Variants in RCSD1 observed in about 807,000 individuals in gnomAD.
RCSD1 encodes the protein capZ-interacting protein.
Under a neutral mutation model 42.5 loss-of-function variants are expected in RCSD1, and 26 were observed. That is an observed-to-expected ratio of 0.61 (90% CI 0.45 to 0.85). The LOEUF (loss-of-function observed/expected upper bound fraction) is 0.85. Among genes scored for constraint, RCSD1 ranks in the 40% least tolerant of loss-of-function variants. The pLI is 0.00. For synonymous variants in RCSD1, 220 were observed against 212.2 expected, an observed-to-expected ratio of 1.04 and a Z score of -0.32; for missense variants, 571 against 528.3, an observed-to-expected ratio of 1.08 and a Z score of -0.79.
At chr1:167,662,401 C>CTCTCTCTT (rs1185018482) in intron 1 of RCSD1, among the ~76,000 whole-genome samples, 1 of 152,114 alleles carries the variant, frequency 6.6e-6, no homozygotes, top group Non-Finnish European at 1.5e-5. Flanking sequence ...ATCTTGCTGT[C>CTCTCTCTT]TCTCTCTTTC....
At position 167,630,268 on chromosome 1, in the gene RCSD1, C is replaced by A; in HGVS notation, c.-156C>A. The A allele has an allele frequency of 2.7e-6, 2 of 730,856 alleles. No individual in the cohort carries two copies. Among genetic ancestry groups the A allele is most frequent in the Non-Finnish European group, 1.9e-6 (1 of 530,590 alleles). The allele number at this position is 730,856 out of a possible 1,614,324, so 45.3% of individuals were successfully genotyped here. A position where few individuals can be genotyped will look rare whatever the true frequency, so the allele number is the denominator to read the frequency against. On this transcript the variant is annotated 5_prime_UTR_variant, in exon 1 of 7. Coordinates refer to ENST00000367854, the MANE Select transcript of RCSD1 (RefSeq NM_052862.4). ...GGCCCCCGCGGCCGGGGCAGTCCCG[C>A]AGCCGAGCGCAGCCGGGCGCGCGCC...
chr1:167,684,054 G>C, intron 2 of RCSD1, 53 bp downstream of exon 2: 1 of 1,463,538 alleles, frequency 6.8e-7, no homozygotes, highest in Non-Finnish European at 9.5e-7. Context: ...GGAGGAAAGG[G>C]AAATCTGGTC....
At chr1:167,673,325 G>A (rs560734658) in intron 1 of RCSD1, among the ~76,000 whole-genome samples, 24 of 152,328 alleles carry the variant, frequency 1.6e-4, no homozygotes, top group Non-Finnish European at 3.1e-4. Context: ...ATAACTATCT[G>A]CTTCCGCGTA....
intron 3 of RCSD1, among the ~76,000 whole-genome samples, chr1:167,686,563 A>G (rs534118967): frequency 8.8e-4 from 134 of 152,284 alleles, no homozygotes; most frequent in African/African-American, 3.2e-3. Flanking sequence ...TGGAGCCCCA[A>G]ATGCTCTCAG....
At chr1:167,677,518 G>C (rs984494720) in intron 1 of RCSD1, among the ~76,000 whole-genome samples, 21 of 152,222 alleles carry the variant, frequency 1.4e-4, no homozygotes, top group African/African-American at 5.1e-4. Flanking sequence ...AAAGAGGAAA[G>C]GATGAATATT....
In RCSD1 at chr1:167,630,358, G is replaced by A; in HGVS notation, c.-66G>A. On this transcript the variant is annotated 5_prime_UTR_variant, in exon 1 of 7. Coordinates refer to ENST00000367854, the MANE Select transcript of RCSD1 (RefSeq NM_052862.4). Reference sequence around the variant, plus strand: ...GCCACGGCCGGGAGCGGAGGGGACAGCGGGGATCGTGAGCTCCGGCCCGGG... The same window carrying A: ...GCCACGGCCGGGAGCGGAGGGGACAACGGGGATCGTGAGCTCCGGCCCGGG... 6.9e-7 allele frequency: 1 copy of A among 1,442,120 alleles called. No individual in the cohort carries two copies. The highest frequency in any genetic ancestry group is 9.2e-7 in the Non-Finnish European group (1 of 1,085,512). The allele number at this position is 1,442,120 out of a possible 1,614,324, so 89.3% of individuals were successfully genotyped here. A position where few individuals can be genotyped will look rare whatever the true frequency, so the allele number is the denominator to read the frequency against.
intron 1 of RCSD1, among the ~76,000 whole-genome samples, chr1:167,654,510 A>G (rs1395481309): frequency 6.6e-6 from 1 of 152,224 alleles, no homozygotes; most frequent in East Asian, 1.9e-4. Context: ...GAAATTTCAG[A>G]GGCATTCCTG....
rs773436881 is a variant in RCSD1, at chr1:167,707,177, G to T, written c.*2481G>T. Among the ~76,000 whole-genome samples the T allele has an allele frequency of 1.8e-4, 28 of 152,178 alleles. No homozygotes were observed. The highest frequency in any genetic ancestry group is 6.5e-5 in the Admixed American group (1 of 15,278). Reference sequence around the variant, plus strand: ...CTGTTTCAGCTGCATGTGGAACTAGGTAAGCTTCAGTGGCCTCAGAACTCC... The same window carrying T: ...CTGTTTCAGCTGCATGTGGAACTAGTTAAGCTTCAGTGGCCTCAGAACTCC... On this transcript the variant is annotated 3_prime_UTR_variant, in exon 7 of 7. Coordinates refer to ENST00000367854, the MANE Select transcript of RCSD1 (RefSeq NM_052862.4).
chr1:167,658,696 G>T (rs1361482668), intron 1 of RCSD1, among the ~76,000 whole-genome samples: 1 of 152,050 alleles, frequency 6.6e-6, no homozygotes, highest in Non-Finnish European at 1.5e-5. Context: ...CTCCCAAAGT[G>T]CTGGGATTAC....
chr1:167,632,389 A>G (rs1311810919), intron 1 of RCSD1, among the ~76,000 whole-genome samples: 1 of 152,202 alleles, frequency 6.6e-6, no homozygotes, highest in South Asian at 2.1e-4. Flanking sequence ...TGCAAGTGTC[A>G]ACTTTGTTCT....
At chr1:167,664,777 C>T (rs938186601) in intron 1 of RCSD1, 5 of 152,244 alleles carry the variant, frequency 3.3e-5, no homozygotes, top group African/African-American at 9.7e-5. Flanking sequence ...CAGTGGCTCG[C>T]GCCTAGAATC....
rs1659441072 is a variant in RCSD1, at chr1:167,694,148, A to G, written c.320A>G (p.Lys107Arg). The change falls in exon 5 of 7, where the codon AAG becomes AGG. Residue 107 changes from lysine to arginine, a missense_variant. Transcript: ENST00000367854. ...PAALLPGASP[K>R]SPGLKAMVSP... The stretch of plus-strand genomic sequence containing the variant: ...GCTCTACTGCCTGGGGCCTCACCCA[A>G]GAGTCCTGGACTCAAGGCTATGGTG... 2 of 1,614,176 alleles carry G rather than the reference A, an allele frequency of 1.2e-6. No homozygotes were observed. The highest frequency in any genetic ancestry group is 1.3e-5 in the African/African-American group (1 of 75,042).
intron 1 of RCSD1, among the ~76,000 whole-genome samples, chr1:167,676,712 A>G (rs1019217179): frequency 2.0e-5 from 3 of 152,172 alleles, no homozygotes; most frequent in Admixed American, 6.5e-5. Flanking sequence ...GAATTTGCCC[A>G]GACACTAGCC....
chr1:167,649,428 G>A (rs1658248097), intron 1 of RCSD1, among the ~76,000 whole-genome samples: 2 of 152,182 alleles, frequency 1.3e-5, no homozygotes, highest in Admixed American at 6.5e-5. Context: ...CATACTTTTC[G>A]CCTAAAACGG....
Position 167,671,433 on chromosome 1 carries a change from C to T in RCSD1, c.7-12467C>T, listed in dbSNP as rs115194959. Among the ~76,000 whole-genome samples, 727 of 152,322 alleles carry T rather than the reference C, an allele frequency of 4.8e-3. 10 individuals are homozygous for T. Among genetic ancestry groups the T allele is most frequent in the African/African-American group, 0.016 (679 of 41,572 alleles). On this transcript the variant is annotated intron_variant, in intron 1 of 6. Coordinates refer to ENST00000367854, the MANE Select transcript of RCSD1 (RefSeq NM_052862.4). ...TTCTTTCTTTCTTGCCATTTCACCC[C>T]GGAAGGGGCCAGCCCTTATCCATTT...
chr1:167,701,413 C>T (rs1659643342), intron 6 of RCSD1, among the ~76,000 whole-genome samples: 1 of 152,042 alleles, frequency 6.6e-6, no homozygotes, highest in African/African-American at 2.4e-5. Context: ...TCAAGTAATT[C>T]TCCTGCCTCA....
chr1:167,658,672 C>T (rs1658479021), intron 1 of RCSD1, among the ~76,000 whole-genome samples: 1 of 152,066 alleles, frequency 6.6e-6, no homozygotes, highest in African/African-American at 2.4e-5. Flanking sequence ...CTCAAATGAT[C>T]CACCCTCCTC....
intron 6 of RCSD1, among the ~76,000 whole-genome samples, chr1:167,700,858 G>A (rs972445374): frequency 9.2e-5 from 14 of 152,130 alleles, no homozygotes; most frequent in Non-Finnish European, 1.9e-4. Context: ...TTTCAGGTTA[G>A]GAGACACCTG....
At chr1:167,663,054 G>A (rs1658574540) in intron 1 of RCSD1, among the ~76,000 whole-genome samples, 4 of 152,250 alleles carry the variant, frequency 2.6e-5, no homozygotes, top group South Asian at 4.2e-4. Context: ...AGTTCACGCC[G>A]CTCCTCTGAC....
Sources: allele counts gnomAD v4.1 joint callset (sites outside exome capture counted in the v4.1 genomes callset), GRCh38; gene constraint gnomAD v4.1.1; transcripts MANE v1.5; gene names NCBI Gene and HGNC (gene_info 2026-07-23, HGNC 2026-07-21).